Variants in SCHIP1 observed in about 807,000 individuals in gnomAD.
The protein encoded by SCHIP1 is schwannomin-interacting protein 1.
SCHIP1 carries 8 observed loss-of-function variants against 29.7 expected under a neutral mutation model. The ratio of observed to expected loss-of-function variants is 0.27; its 90% CI spans 0.16 to 0.49. The LOEUF (loss-of-function observed/expected upper bound fraction) is 0.49. Among genes scored for constraint, SCHIP1 ranks in the 20% least tolerant of loss-of-function variants. The pLI is 0.99. For missense variants in SCHIP1, 193 were observed against 294.6 expected, an observed-to-expected ratio of 0.66 and a Z score of 2.52; for synonymous variants, 76 against 94.9, an observed-to-expected ratio of 0.80 and a Z score of 1.16.
the SCHIP1 span, among the ~76,000 whole-genome samples, chr3:159,570,420 G>C: frequency 6.6e-6 from 1 of 152,156 alleles, no homozygotes; most frequent in Admixed American, 6.5e-5. Context: ...CCCATTGCTT[G>C]TTTTTGTTAG....
At chr3:159,499,437 C>G in the SCHIP1 span, among the ~76,000 whole-genome samples, 3 of 152,140 alleles carry the variant, frequency 2.0e-5, no homozygotes, top group Non-Finnish European at 2.9e-5. Context: ...TACTGTGATC[C>G]TTATGAAGAC....
At chr3:159,625,317 C>G in the SCHIP1 span, among the ~76,000 whole-genome samples, 1 of 152,136 alleles carries the variant, frequency 6.6e-6, no homozygotes, top group Non-Finnish European at 1.5e-5. Flanking sequence ...TGGCATAAAG[C>G]TTGTGAAACA....
At chr3:159,859,383 T>C (rs188937307) in intron 1 of SCHIP1, among the ~76,000 whole-genome samples, 14 of 152,328 alleles carry the variant, frequency 9.2e-5, no homozygotes, top group Admixed American at 5.9e-4. Flanking sequence ...GTTCATAATG[T>C]TTAAGAGCTT....
the SCHIP1 span, among the ~76,000 whole-genome samples, chr3:159,441,902 G>A: frequency 6.6e-6 from 1 of 151,908 alleles, no homozygotes; most frequent in African/African-American, 2.4e-5. Flanking sequence ...TCCCTATGTT[G>A]CCCAGGCTGT....
the SCHIP1 span, among the ~76,000 whole-genome samples, chr3:159,532,470 T>G: frequency 6.6e-6 from 1 of 152,210 alleles, no homozygotes; most frequent in African/African-American, 2.4e-5. Flanking sequence ...TTATCTGAGC[T>G]TTGTCATGAT....
the SCHIP1 span, among the ~76,000 whole-genome samples, chr3:159,674,598 T>TAAAA: frequency 7.0e-3 from 379 of 53,942 alleles, 7 homozygotes; most frequent in African/African-American, 0.02. Context: ...GGGTCAGGAT[T>TAAAA]AAAAAAAAAA....
rs549076739 is a variant in SCHIP1, at chr3:159,864,793, G to A, written c.31-1370G>A. 1.4e-3 allele frequency among the ~76,000 whole-genome samples: 206 copies of A among 152,280 alleles called. 3 individuals carry two copies. Among genetic ancestry groups the A allele is most frequent in the African/African-American group, 4.9e-3 (203 of 41,562 alleles). ...ACCACTGTCTTAGCTGTACTTTGCTGTCATGTATTTTATTCTGTGCTGTCT... is the reference window on the plus strand; with the variant it reads ...ACCACTGTCTTAGCTGTACTTTGCTATCATGTATTTTATTCTGTGCTGTCT... On this transcript the variant is annotated intron_variant, in intron 1 of 6. Transcript: ENST00000445224.
the SCHIP1 span, among the ~76,000 whole-genome samples, chr3:159,690,833 C>A: frequency 6.6e-6 from 1 of 152,164 alleles, no homozygotes; most frequent in Non-Finnish European, 1.5e-5. Flanking sequence ...TTGTTTATTT[C>A]TGCCTTAATT....
chr3:159,890,874 G>A (rs1388490635), intron 5 of SCHIP1, among the ~76,000 whole-genome samples: 1 of 152,004 alleles, frequency 6.6e-6, no homozygotes, highest in African/African-American at 2.4e-5. Context: ...ATTTCCAAGG[G>A]GGACCTGTCT....
the SCHIP1 span, among the ~76,000 whole-genome samples, chr3:159,429,857 G>T: frequency 6.6e-6 from 1 of 152,186 alleles, no homozygotes; most frequent in Non-Finnish European, 1.5e-5. Context: ...CATATGACAG[G>T]AGAGATGGAT....
the SCHIP1 span, among the ~76,000 whole-genome samples, chr3:159,345,353 CG>C: frequency 6.6e-6 from 1 of 152,006 alleles, no homozygotes; most frequent in Non-Finnish European, 1.5e-5. Context: ...TGTGGCACTT[CG>C]GGAAACCAAT....
chr3:159,615,378 A>C, the SCHIP1 span, among the ~76,000 whole-genome samples: 13 of 152,340 alleles, frequency 8.5e-5, no homozygotes, highest in African/African-American at 2.9e-4. Context: ...GTGTTTATGA[A>C]TTATCACTCT....
the SCHIP1 span, among the ~76,000 whole-genome samples, chr3:159,691,101 AT>A: frequency 6.6e-6 from 1 of 152,190 alleles, no homozygotes; most frequent in Admixed American, 6.5e-5. Context: ...ATAGATGTCT[AT>A]TAGTTCTGCT....
chr3:159,671,403 C>T, the SCHIP1 span, among the ~76,000 whole-genome samples: 1 of 152,142 alleles, frequency 6.6e-6, no homozygotes, highest in African/African-American at 2.4e-5. Context: ...CTTTGTCCTC[C>T]TTCTCGGTCC....
the SCHIP1 span, chr3:159,721,976 C>T: frequency 5.3e-6 from 2 of 378,964 alleles, no homozygotes; most frequent in Admixed American, 3.3e-5. Flanking sequence ...GCTTGACTTT[C>T]TGTTCCTTAT....
the SCHIP1 span, among the ~76,000 whole-genome samples, chr3:159,637,421 A>ACACC: frequency 1.7e-3 from 233 of 136,594 alleles, 1 homozygote; most frequent in African/African-American, 6.5e-3. Flanking sequence ...ACACACACAC[A>ACACC]CCTGACTCTT....
chr3:159,556,243 G>A, the SCHIP1 span, among the ~76,000 whole-genome samples: 449 of 152,168 alleles, frequency 3.0e-3, 4 homozygotes, highest in African/African-American at 0.01. Flanking sequence ...AGTTAGAATG[G>A]CAATCATTAA....
At chr3:159,416,240 G>A in the SCHIP1 span, among the ~76,000 whole-genome samples, 1 of 152,286 alleles carries the variant, frequency 6.6e-6, no homozygotes, top group African/African-American at 2.4e-5. Context: ...GAGTCTCAGA[G>A]CAAATGTGAT....
the SCHIP1 span, among the ~76,000 whole-genome samples, chr3:159,745,434 G>A: frequency 7.9e-5 from 12 of 152,186 alleles, no homozygotes; most frequent in Non-Finnish European, 1.8e-4. Context: ...AAAAATTCCA[G>A]AGCCCAGACA....
Sources: allele counts gnomAD v4.1 joint callset (sites outside exome capture counted in the v4.1 genomes callset), GRCh38; gene constraint gnomAD v4.1.1; transcripts MANE v1.5; gene names NCBI Gene and HGNC (gene_info 2026-07-23, HGNC 2026-07-21).